Variants in ADGRL4 observed in about 807,000 individuals in gnomAD.
The protein encoded by ADGRL4 is EGF, latrophilin and seven transmembrane domain containing 1.
A neutral mutation model predicts 74.8 loss-of-function variants in ADGRL4; 90 were observed. That is an observed-to-expected ratio of 1.20 (90% CI 1.02 to 1.43). The LOEUF (loss-of-function observed/expected upper bound fraction) is 1.43, where lower values mean the gene tolerates loss of function less well. Ranked by LOEUF, ADGRL4 falls within the 40% of genes most tolerant of loss-of-function variation. ADGRL4 has a pLI of 0.00. For missense variants in ADGRL4, 881 were observed against 814.3 expected, an observed-to-expected ratio of 1.08 and a Z score of -1.00; for synonymous variants, 311 against 279.2, an observed-to-expected ratio of 1.11 and a Z score of -1.14.
intron 2 of ADGRL4, among the ~76,000 whole-genome samples, chr1:78,990,993 A>C (rs1366998675): frequency 6.6e-6 from 1 of 151,994 alleles, no homozygotes; most frequent in Non-Finnish European, 1.5e-5. Context: ...TGTTAGAAAC[A>C]CCTCAGCTTC....
chr1:78,986,478 G>A (rs1346898714), intron 2 of ADGRL4, among the ~76,000 whole-genome samples: 4 of 151,660 alleles, frequency 2.6e-5, no homozygotes, highest in Non-Finnish European at 5.9e-5. Flanking sequence ...TTAACTGGGT[G>A]TGTTGGTACA....
intron 1 of ADGRL4, 130 bp from the exon 2 acceptor site, chr1:79,005,349 C>A (rs761693482): frequency 8.2e-6 from 6 of 731,892 alleles, no homozygotes; most frequent in African/African-American, 1.8e-5. Context: ...AAATTTTTCC[C>A]AAGAGAGCAC....
intron 2 of ADGRL4, among the ~76,000 whole-genome samples, chr1:78,981,029 T>C (rs1471957375): frequency 6.6e-6 from 1 of 151,924 alleles, no homozygotes; most frequent in Non-Finnish European, 1.5e-5. Flanking sequence ...AGTACTTCTT[T>C]TGTCAAAGGT....
At chr1:78,954,370 A>G (rs1266567111) in intron 2 of ADGRL4, among the ~76,000 whole-genome samples, 1 of 152,130 alleles carries the variant, frequency 6.6e-6, no homozygotes, top group Non-Finnish European at 1.5e-5. Context: ...TTTAAAAAAC[A>G]GGGAAAAAAG....
intron 3 of ADGRL4, among the ~76,000 whole-genome samples, chr1:78,943,562 C>A (rs1331259789): frequency 6.6e-6 from 1 of 152,014 alleles, no homozygotes; most frequent in East Asian, 1.9e-4. Context: ...ATTTTTTATT[C>A]ATAGAGATTT....
chr1:78,910,596 T>C (rs1648740616), intron 12 of ADGRL4, among the ~76,000 whole-genome samples: 1 of 152,016 alleles, frequency 6.6e-6, no homozygotes, highest in East Asian at 1.9e-4. Context: ...AAATTATTTT[T>C]ATGAACTCTT....
chr1:78,967,297 T>G (rs1225985534), intron 2 of ADGRL4, among the ~76,000 whole-genome samples: 1 of 152,182 alleles, frequency 6.6e-6, no homozygotes, highest in African/African-American at 2.4e-5. Flanking sequence ...ACTTGCCAGT[T>G]TCACAATTAG....
intron 2 of ADGRL4, among the ~76,000 whole-genome samples, chr1:78,998,312 C>T (rs1223626255): frequency 7.2e-6 from 1 of 138,628 alleles, no homozygotes; most frequent in African/African-American, 2.7e-5. Flanking sequence ...GAGTTAAACT[C>T]TTGTACTTGA....
At chr1:78,993,292 CAA>C (rs1402320076) in intron 2 of ADGRL4, among the ~76,000 whole-genome samples, 1 of 151,960 alleles carries the variant, frequency 6.6e-6, no homozygotes, top group African/African-American at 2.4e-5. Context: ...TGATAATAAA[CAA>C]AATAAATTTT....
chr1:78,898,838 C>A (rs1029191671), intron 12 of ADGRL4, among the ~76,000 whole-genome samples: 1 of 151,968 alleles, frequency 6.6e-6, no homozygotes, highest in African/African-American at 2.4e-5. Context: ...TTAGCACATA[C>A]ATTTTGTTGT....
intron 2 of ADGRL4, among the ~76,000 whole-genome samples, chr1:78,954,201 G>T (rs967256901): frequency 6.6e-6 from 1 of 151,888 alleles, no homozygotes; most frequent in Non-Finnish European, 1.5e-5. Context: ...CACCTAGTAG[G>T]GTTCATATTA....
intron 8 of ADGRL4, among the ~76,000 whole-genome samples, chr1:78,924,970 G>A (rs1480080094): frequency 6.6e-6 from 1 of 152,034 alleles, no homozygotes; most frequent in East Asian, 1.9e-4. Flanking sequence ...TTAATTTTTG[G>A]TTTTTTGGTT....
At chr1:78,979,371 T>C (rs1371818502) in intron 2 of ADGRL4, among the ~76,000 whole-genome samples, 1 of 151,970 alleles carries the variant, frequency 6.6e-6, no homozygotes, top group Admixed American at 6.6e-5. Context: ...CACCCTGTAG[T>C]CAGTATTTCA....
intron 2 of ADGRL4, among the ~76,000 whole-genome samples, chr1:78,988,625 G>A (rs1650543627): frequency 6.6e-6 from 1 of 151,802 alleles, no homozygotes; most frequent in African/African-American, 2.4e-5. Flanking sequence ...AACCCTGACA[G>A]AGTAATTCCA....
rs549684762 is a variant in ADGRL4 at position 78,997,212 on chromosome 1, A to T, written c.172+7858T>A. Among the ~76,000 whole-genome samples the T allele has an allele frequency of 3.9e-5, 6 of 152,336 alleles. No individual in the cohort carries two copies. In the East Asian group the frequency reaches 1.2e-3, roughly 29 times the overall value. On this transcript the variant is annotated intron_variant, in intron 2 of 14. Coordinates refer to ENST00000370742, the MANE Select transcript of ADGRL4 (RefSeq NM_022159.4). ...AGTCAAATCGGGATATAAAAAGGGG[A>T]ATGGTACTGAGGTGATACACTCAAG...
At chr1:78,914,658 G>A (rs143350025) in intron 12 of ADGRL4, among the ~76,000 whole-genome samples, 19 of 151,304 alleles carry the variant, frequency 1.3e-4, no homozygotes, top group Admixed American at 7.3e-4. Flanking sequence ...TTTTCTTCAG[G>A]GACTGCCATA....
intron 2 of ADGRL4, 22 bp downstream of exon 2, chr1:79,005,048 A>G: frequency 6.2e-7 from 1 of 1,605,554 alleles, no homozygotes; most frequent in Non-Finnish European, 8.5e-7. Context: ...ATAATCCAAA[A>G]GAAGTAACAA....
intron 4 of ADGRL4, among the ~76,000 whole-genome samples, chr1:78,938,591 T>A (rs940351533): frequency 2.0e-5 from 3 of 152,106 alleles, no homozygotes; most frequent in Non-Finnish European, 2.9e-5. Flanking sequence ...TCCTAGCCAA[T>A]GAATCTACCT....
chr1:78,954,176 T>TAAATAAATAAC (rs1557511120), intron 2 of ADGRL4, among the ~76,000 whole-genome samples: 3 of 151,638 alleles, frequency 2.0e-5, no homozygotes, highest in African/African-American at 7.3e-5. Flanking sequence ...AAATAAATAA[T>TAAATAAATAAC]AAATAAATAG....
Sources: allele counts gnomAD v4.1 joint callset (sites outside exome capture counted in the v4.1 genomes callset), GRCh38; gene constraint gnomAD v4.1.1; transcripts MANE v1.5; gene names NCBI Gene and HGNC (gene_info 2026-07-23, HGNC 2026-07-21).